TTC34: variants seen among roughly 807,000 people sequenced by gnomAD.
TTC34 encodes tetratricopeptide repeat domain 34.
A neutral mutation model predicts 40.7 loss-of-function variants in TTC34; 44 were observed. The ratio of observed to expected loss-of-function variants is 1.08; its 90% CI spans 0.85 to 1.39. The LOEUF is 1.39. Among genes scored for constraint, TTC34 ranks in the 40% most tolerant of loss-of-function variants. The probability of loss-of-function intolerance (pLI) is 0.00; values close to 1 mark genes in which losing one functional copy is unlikely to be tolerated. For synonymous variants in TTC34, 422 were observed against 398.6 expected (o/e 1.06, Z -0.70); for missense variants, 884 against 838.0 (o/e 1.05, Z -0.68).
chr1:2,645,258 G>A lies in TTC34; in HGVS notation c.2497+35C>T. 6.9e-7 allele frequency: 1 copy of A among 1,439,216 alleles called. No individual in the cohort carries two copies. The highest frequency in any genetic ancestry group is 9.1e-7 in the Non-Finnish European group (1 of 1,098,410). 89.2% of individuals were successfully genotyped at this position (1,439,216 alleles called of 1,614,324 possible). ...TCAGAGGAGCGGGGACAGAAGCCCA[G>A]ACCCCGTGTTTCCCACCTTGGGGCC... On this transcript the variant is annotated intron_variant, in intron 7 of 8. Coordinates refer to ENST00000401095, the Ensembl canonical transcript of TTC34. The surrounding 1 kb of genome is among the most constrained non-coding windows in gnomAD (Gnocchi z 4.7).
chr1:2,685,166 T>G (rs28436923), intron 6 of TTC34, among the ~76,000 whole-genome samples: 8 of 126,306 alleles, frequency 6.3e-5, no homozygotes, highest in Admixed American at 5.0e-4. Context: ...CAACCCCACG[T>G]GAGCATCTGA....
At chr1:2,685,950 G>A (rs1386797780) in intron 6 of TTC34, among the ~76,000 whole-genome samples, 1 of 143,752 alleles carries the variant, frequency 7.0e-6, no homozygotes, top group Admixed American at 6.9e-5. Flanking sequence ...GCCGGGAACA[G>A]CACCCACACC....
intron 6 of TTC34, among the ~76,000 whole-genome samples, chr1:2,677,017 CCA>C (rs1639930575): frequency 1.7e-5 from 1 of 58,148 alleles, no homozygotes; most frequent in African/African-American, 5.0e-5. Context: ...CACTCCCAGG[CCA>C]GCATCCGATA....
chr1:2,795,819 T>A lies in TTC34; in HGVS notation c.784+4225A>T, dbSNP rs1327098730. ...GCAGCTACCTTGAGGGAAAGTGGTA[T>A]TTATTCTGTATCTTGTCCTCATACA... On this transcript the variant is annotated intron_variant, in intron 2 of 8. Coordinates refer to ENST00000401095, the Ensembl canonical transcript of TTC34. Among the ~76,000 whole-genome samples, 3 of 152,214 alleles carry A rather than the reference T, an allele frequency of 2.0e-5. 1 individual carries two copies. The highest frequency in any genetic ancestry group is 4.4e-5 in the Non-Finnish European group (3 of 68,034).
intron 6 of TTC34, among the ~76,000 whole-genome samples, chr1:2,653,808 A>G (rs76971371): frequency 0.015 from 1,995 of 133,524 alleles, no homozygotes; most frequent in South Asian, 0.038. Context: ...CAGTGCCCAC[A>G]CCCCCAGGTG....
intron 6 of TTC34, among the ~76,000 whole-genome samples, chr1:2,649,160 C>T (rs761797614): frequency 6.6e-6 from 1 of 152,044 alleles, no homozygotes; most frequent in African/African-American, 2.4e-5. Context: ...GGAACGGTAT[C>T]CACACCCACA....
chr1:2,686,819 G>A (rs1395156430), intron 6 of TTC34, among the ~76,000 whole-genome samples: 107 of 69,320 alleles, frequency 1.5e-3, no homozygotes, highest in Non-Finnish European at 2.2e-3. Context: ...GCGAGCATCT[G>A]ACAGCCTGGA....
intron 6 of TTC34, chr1:2,774,098 CT>C (rs1158191781): frequency 6.7e-6 from 1 of 149,654 alleles, no homozygotes; most frequent in Non-Finnish European, 1.5e-5. Context: ...AAAGCACCCT[CT>C]ACCCACACGT....
chr1:2,759,472 C>G (rs1641619489), intron 6 of TTC34, among the ~76,000 whole-genome samples: 9 of 12,714 alleles, frequency 7.1e-4, no homozygotes, highest in South Asian at 2.2e-3. Context: ...GGAGCAGCAC[C>G]CCACACCCCC....
chr1:2,753,396 G>T (rs1641392639), intron 6 of TTC34, among the ~76,000 whole-genome samples: 6 of 124,726 alleles, frequency 4.8e-5, no homozygotes, highest in African/African-American at 7.0e-5. Flanking sequence ...GCATCTGACA[G>T]CATGTAACAG....
In TTC34 at chr1:2,645,188, G is replaced by A; in HGVS notation, c.2497+105C>T. 7.7e-7 allele frequency: 1 copy of A among 1,300,656 alleles called. No individual in the cohort carries two copies. Among genetic ancestry groups the A allele is most frequent in the Non-Finnish European group, 9.9e-7 (1 of 1,005,530 alleles). The allele number at this position is 1,300,656 out of a possible 1,614,324, so 80.6% of individuals were successfully genotyped here. ...TGGAAGGGACCTTGGAAGCTGTTGTGGTCCGGGTCTCTTTCTTCCATTTTT... is the reference window on the plus strand; with the variant it reads ...TGGAAGGGACCTTGGAAGCTGTTGTAGTCCGGGTCTCTTTCTTCCATTTTT... On this transcript the variant is annotated intron_variant, in intron 7 of 8. Coordinates refer to ENST00000401095, the Ensembl canonical transcript of TTC34. The surrounding 1 kb of genome is among the most constrained non-coding windows in gnomAD (Gnocchi z 4.7).
At chr1:2,784,613 TGACAGAGGGC>T (rs1643548751) in intron 5 of TTC34, among the ~76,000 whole-genome samples, 1 of 152,208 alleles carries the variant, frequency 6.6e-6, no homozygotes, top group Non-Finnish European at 1.5e-5. Flanking sequence ...TATGCGGGTG[TGACAGAGGGC>T]TCACCTCTTG....
chr1:2,655,455 C>T, intron 6 of TTC34, among the ~76,000 whole-genome samples: 1 of 145,230 alleles, frequency 6.9e-6, no homozygotes, highest in Admixed American at 6.8e-5. Context: ...CACCCACACC[C>T]CCAGGTGAGC....
At chr1:2,771,504 G>C (rs1313374098) in intron 6 of TTC34, among the ~76,000 whole-genome samples, 1 of 79,500 alleles carries the variant, frequency 1.3e-5, no homozygotes, top group Admixed American at 1.1e-4. Flanking sequence ...GCATCTGACA[G>C]CCTGGAGTAG....
intron 6 of TTC34, among the ~76,000 whole-genome samples, chr1:2,769,499 C>T (rs1346845996): frequency 1.1e-5 from 1 of 92,124 alleles, no homozygotes; most frequent in Non-Finnish European, 2.0e-5. Context: ...CCTGGAACAG[C>T]ACCCCACACC....
intron 6 of TTC34, among the ~76,000 whole-genome samples, chr1:2,686,715 A>T (rs1640369138): frequency 7.1e-6 from 1 of 141,258 alleles, no homozygotes; most frequent in African/African-American, 2.7e-5. Context: ...CTGGAACAGC[A>T]CACACACCCC....
At chr1:2,691,761 A>G (rs990258150) in intron 6 of TTC34, among the ~76,000 whole-genome samples, 1 of 97,216 alleles carries the variant, frequency 1.0e-5, no homozygotes. Context: ...CAAGCATCTG[A>G]ACGCAAATAG....
intron 6 of TTC34, among the ~76,000 whole-genome samples, chr1:2,685,668 A>G (rs1640301426): frequency 6.8e-6 from 1 of 146,084 alleles, no homozygotes; most frequent in Non-Finnish European, 1.5e-5. Context: ...AGCCTGGAGC[A>G]GAACCCACAC....
At position 2,691,497 on chromosome 1, in the gene TTC34, C is replaced by A. The variant is rs887493816; in HGVS notation, c.2227-45934G>T. ...AGCATCTGATGGTCTGGAGCAGCAC[C>A]CAAAACCACAGGTGAGCATCGGAGA... On this transcript the variant is annotated intron_variant, in intron 6 of 8. Coordinates refer to ENST00000401095, the Ensembl canonical transcript of TTC34. Among the ~76,000 whole-genome samples the A allele has an allele frequency of 8.4e-5, 9 of 106,924 alleles. 1 individual carries two copies. The highest frequency in any genetic ancestry group is 1.5e-4 in the Non-Finnish European group (7 of 47,070). 70.1% of individuals were successfully genotyped at this position (106,924 alleles called of 152,430 possible). A position where few individuals can be genotyped will look rare whatever the true frequency, so the allele number is the denominator to read the frequency against.
Sources: allele counts gnomAD v4.1 joint callset (sites outside exome capture counted in the v4.1 genomes callset), GRCh38; gene constraint gnomAD v4.1.1; non-coding constraint Gnocchi (gnomAD v3.1); transcripts MANE v1.5; gene names NCBI Gene and HGNC (gene_info 2026-07-23, HGNC 2026-07-21).